Variants in ERAP2 observed in about 807,000 individuals in gnomAD.
ERAP2 encodes leukocyte-derived arginine aminopeptidase.
Under a neutral mutation model 111.1 loss-of-function variants are expected in ERAP2, and 118 were observed. That is an observed-to-expected ratio of 1.06 (90% confidence interval 0.92 to 1.24). The LOEUF is 1.24. ERAP2 is among the 50% of genes most tolerant of loss of function. The pLI, the probability that ERAP2 is intolerant of heterozygous loss-of-function variation, is 0.00. For missense variants in ERAP2, 1,131 were observed against 1,125.8 expected, an observed-to-expected ratio of 1.00 and a Z score of -0.07; for synonymous variants, 410 against 401.2, an observed-to-expected ratio of 1.02 and a Z score of -0.26.
intron 4 of ERAP2, among the ~76,000 whole-genome samples, chr5:96,887,003 G>A (rs889374549): frequency 3.3e-5 from 5 of 149,976 alleles, no homozygotes; most frequent in African/African-American, 4.9e-5. Context: ...TTTTCTATAT[G>A]TATGTCAGCA....
rs552095171 is a variant in ERAP2, at chr5:96,909,014, A to G, written c.2066A>G (p.His689Arg). 4.3e-6 allele frequency: 7 copies of G among 1,614,170 alleles called. No homozygotes were observed. In the East Asian group the frequency reaches 8.9e-5, roughly 21 times the overall value. Residue 689 changes from histidine (H) to arginine (R), a missense_variant, in exon 14 of 19, where the codon CAT becomes CGT. By Grantham distance (29) the His-to-Arg change is conservative. This residue lies in a region of ERAP2 where 847 missense variants were observed against 856.5 expected (regional missense o/e 0.99). Coordinates refer to ENST00000437043, the MANE Select transcript of ERAP2 (RefSeq NM_022350.5). ...CTTGACATGACTTACTACCTCCAAC[A>G]TGAAACAAGCAGCCCCGCACTTCTC... is the stretch of plus-strand genomic sequence containing the variant. ...KALDMTYYLQ[H>R]ETSSPALLEG...
chr5:96,915,904 A>AAATGCTATAGCAATTCCATAT, intron 18 of ERAP2, 135 bp downstream of exon 18: 2 of 620,956 alleles, frequency 3.2e-6, no homozygotes. Flanking sequence ...GCCATATAGC[A>AAATGCTATAGCAATTCCATAT]AGTAAATGGA....
In ERAP2 at chr5:96,902,307, G is replaced by A. The variant is rs551817978; in HGVS notation, c.1782G>A (p.Thr594=). ...GGCATATCCCATTGACCTACTCCAC[G>A]AGTTCTTCTAATGTGATCCACAGAC... ...YLWHIPLTYS[T]SSSNVIHRHI... Residue 594 remains threonine, a synonymous_variant, in exon 12 of 19, where the codon ACG becomes ACA. Coordinates refer to ENST00000437043, the MANE Select transcript of ERAP2 (RefSeq NM_022350.5). 3.0e-5 allele frequency: 48 copies of A among 1,612,452 alleles called. No individual in the cohort carries two copies. In the Middle Eastern group the frequency reaches 6.6e-4, roughly 22 times the overall value.
chr5:96,906,649 T>A (rs897107157), intron 13 of ERAP2, among the ~76,000 whole-genome samples: 14 of 152,146 alleles, frequency 9.2e-5, no homozygotes, highest in African/African-American at 3.4e-4. Flanking sequence ...AAGACAGGGG[T>A]CTTGGATAAG....
intron 17 of ERAP2, among the ~76,000 whole-genome samples, chr5:96,913,986 G>C (rs370834706): frequency 6.6e-6 from 1 of 152,152 alleles, no homozygotes; most frequent in East Asian, 1.9e-4. Context: ...AATTGTTTTG[G>C]TTCTGAGTCT....
At chr5:96,916,762 TATC>T (rs1370196204) in intron 18 of ERAP2, among the ~76,000 whole-genome samples, 4 of 112,298 alleles carry the variant, frequency 3.6e-5, no homozygotes, top group African/African-American at 6.5e-5. Context: ...GCCACCAGCC[TATC>T]TTTTTTTTTT....
rs767864919 is a variant in ERAP2, at chr5:96,913,356, A to G, written c.2556A>G (p.Thr852=). The G allele has an allele frequency of 9.3e-6, 15 of 1,613,978 alleles. No individual in the cohort carries two copies. In the African/African-American group the frequency reaches 1.5e-4, roughly 16 times the overall value. ...ELGMEGKVIK[T]QNLAALLHAI... ...GAATGGAAGGAAAGGTTATCAAGAC[A>G]CAGAACTTGGCAGCTCTCCTTCATG... Residue 852 remains threonine, a synonymous_variant, in exon 17 of 19, where the codon ACA becomes ACG. Coordinates refer to ENST00000437043, the MANE Select transcript of ERAP2 (RefSeq NM_022350.5).
At chr5:96,886,828 G>C (rs1484769576) in intron 4 of ERAP2, 39 bp downstream of exon 4, 1 of 1,367,136 alleles carries the variant, frequency 7.3e-7, no homozygotes, top group Non-Finnish European at 9.6e-7. Flanking sequence ...GTGCAGAAAA[G>C]TGTCCTGAGA....
At chr5:96,901,385 C>T in intron 10 of ERAP2, 121 bp from the exon 11 acceptor site, 1 of 1,068,932 alleles carries the variant, frequency 9.4e-7, no homozygotes, top group Admixed American at 2.2e-5. Context: ...CCTGAGATAC[C>T]AGTCCGAGTC....
rs1784587608 is a variant in ERAP2 at position 96,893,555 on chromosome 5, A to G, written c.1125+1102A>G. Among the ~76,000 whole-genome samples, 4 of 152,232 alleles carry G rather than the reference A, an allele frequency of 2.6e-5. No homozygotes were observed. In the South Asian group the frequency reaches 8.3e-4, roughly 32 times the overall value. Reference sequence around the variant, plus strand: ...CACTTAACTGAGTCTGGGGATTTCTAATCTTTCTGCCAGTTGTTTGTAGGG... The same window carrying G: ...CACTTAACTGAGTCTGGGGATTTCTGATCTTTCTGCCAGTTGTTTGTAGGG... On this transcript the variant is annotated intron_variant, in intron 6 of 18. Coordinates refer to ENST00000437043, the MANE Select transcript of ERAP2 (RefSeq NM_022350.5).
chr5:96,901,598 C>CA lies in ERAP2; in HGVS notation c.1665_1666insA (p.Gly556ArgfsTer21). On this transcript the variant is annotated frameshift_variant, in exon 11 of 19. Coordinates refer to ENST00000437043, the MANE Select transcript of ERAP2 (RefSeq NM_022350.5). LOFTEE classifies it high-confidence loss of function. ...TCCCCCTGCTGGTGGTTAAACAAGACGGGTGTTCACTCCGACTGCAACAGG... is the reference window on the plus strand; with the variant it reads ...TCCCCCTGCTGGTGGTTAAACAAGACAGGGTGTTCACTCCGACTGCAACAGG... 6.2e-7 allele frequency: 1 copy of CA among 1,614,106 alleles called. No individual in the cohort carries two copies. Among genetic ancestry groups the CA allele is most frequent in the East Asian group, 2.2e-5 (1 of 44,884 alleles).
Position 96,889,239 on chromosome 5 carries a change from G to A in ERAP2, c.904G>A (p.Ala302Thr), listed in dbSNP as rs1297274621. The A allele has an allele frequency of 1.2e-6, 2 of 1,613,952 alleles. No individual in the cohort carries two copies. Among genetic ancestry groups the A allele is most frequent in the African/African-American group, 1.3e-5 (1 of 75,028 alleles). The change falls in exon 5 of 19, where the codon GCA (alanine) becomes ACA (threonine). Residue 302 changes from alanine (A) to threonine (T), a missense_variant. Around this residue, in one of 3 missense-constraint regions of ERAP2, gnomAD observed 847 missense variants for 856.5 expected, o/e 0.99. Transcript: ENST00000437043. ...KRNQTHYALQ[A>T]SLKLLDFYEK... ...GAATCAAACACATTATGCTTTGCAG[G>A]CATCACTGAAGCTACTTGATTTTTA...
At chr5:96,892,197 C>T (rs905507561) in intron 5 of ERAP2, 102 bp from the exon 6 acceptor site, 2 of 1,222,532 alleles carry the variant, frequency 1.6e-6, no homozygotes, top group Admixed American at 4.2e-5. Flanking sequence ...AAAAAGTCTG[C>T]TTAAATATGC....
intron 2 of ERAP2, among the ~76,000 whole-genome samples, chr5:96,882,072 G>C (rs1561358930): frequency 1.3e-5 from 2 of 152,112 alleles, no homozygotes; most frequent in South Asian, 4.2e-4. Context: ...ATCCACCTAG[G>C]ACAACTCTTC....
chr5:96,903,458 G>T lies in ERAP2; in HGVS notation c.1910G>T (p.Gly637Val). The T allele has an allele frequency of 1.2e-6, 2 of 1,614,002 alleles. No homozygotes were observed. Among genetic ancestry groups the T allele is most frequent in the African/African-American group, 2.7e-5 (2 of 75,034 alleles). ...GGTTACTACATCGTTCACTATGAGG[G>T]TCATGGATGGGACCAACTCATTACA... is the stretch of plus-strand genomic sequence containing the variant. ...SNGYYIVHYE[G>V]HGWDQLITQL... The change falls in exon 13 of 19, where the codon GGT becomes GTT. Residue 637 changes from glycine to valine, a missense_variant. Transcript: ENST00000437043.
intron 13 of ERAP2, among the ~76,000 whole-genome samples, chr5:96,905,691 C>A (rs1241027612): frequency 6.6e-6 from 1 of 152,016 alleles, no homozygotes; most frequent in African/African-American, 2.4e-5. Context: ...TGAGATCAGC[C>A]TGGGCAACAT....
At chr5:96,901,188 GA>G (rs1174124388) in intron 10 of ERAP2, among the ~76,000 whole-genome samples, 6 of 147,120 alleles carry the variant, frequency 4.1e-5, no homozygotes, top group African/African-American at 1.5e-4. Context: ...TTGTTTGTTT[GA>G]TTTTGTTTGT....
chr5:96,889,282 T>A lies in ERAP2; in HGVS notation c.947T>A (p.Ile316Asn). 1 of 1,614,042 alleles carries A rather than the reference T, an allele frequency of 6.2e-7. No homozygotes were observed. Among genetic ancestry groups the A allele is most frequent in the Non-Finnish European group, 8.5e-7 (1 of 1,179,882 alleles). Residue 316 changes from isoleucine (I) to asparagine (N), a missense_variant, in exon 5 of 19, where the codon ATC becomes AAC. This residue lies in a region of ERAP2 where 847 missense variants were observed against 856.5 expected (regional missense o/e 0.99). Coordinates refer to ENST00000437043, the MANE Select transcript of ERAP2 (RefSeq NM_022350.5). ...GATTTTTATGAAAAGTACTTTGATA[T>A]CTACTATCCACTCTCCAAACTGGGT... The part of the protein sequence containing the change: ...LLDFYEKYFD[I>N]YYPLSKLDLI...
rs1787021303 is a variant in ERAP2 at position 96,913,398 on chromosome 5, A to G, written c.2598A>G (p.Pro866=). 3.1e-6 allele frequency: 5 copies of G among 1,614,042 alleles called. No individual in the cohort carries two copies. Among genetic ancestry groups the G allele is most frequent in the African/African-American group, 1.3e-5 (1 of 74,938 alleles). The part of the protein sequence containing the change: ...AALLHAIARR[P]KGQQLAWDFV... Reference sequence around the variant, plus strand: ...TCCTTCATGCGATTGCCAGACGTCCAAAGGGGCAGCAACTAGCATGGGATT... The same window carrying G: ...TCCTTCATGCGATTGCCAGACGTCCGAAGGGGCAGCAACTAGCATGGGATT... Residue 866 remains proline, a synonymous_variant, in exon 17 of 19, where the codon CCA becomes CCG. Transcript: ENST00000437043.
Sources: gnomAD v4.1 joint callset for allele counts (sites outside exome capture counted in the v4.1 genomes callset) on GRCh38, gnomAD v4.1.1 for gene constraint, gnomAD v4.1.1 regional missense constraint, MANE v1.5 for transcripts, NCBI Gene and HGNC (gene_info 2026-07-23, HGNC 2026-07-21) for gene names.